BIRC5: variants seen among roughly 807,000 people sequenced by gnomAD.
BIRC5 encodes baculoviral IAP repeat containing 5.
A neutral mutation model predicts 15.8 loss-of-function variants in BIRC5; 8 were observed. That is an observed-to-expected ratio of 0.51 (90% confidence interval 0.30 to 0.91). The LOEUF (loss-of-function observed/expected upper bound fraction) is 0.91. BIRC5 is among the 40% of genes least tolerant of loss of function. BIRC5 has a pLI of 0.07. For synonymous variants in BIRC5, 56 were observed against 64.5 expected (o/e 0.87, Z 0.63); for missense variants, 163 against 178.6 (o/e 0.91, Z 0.50).
At chr17:78,215,074 C>T (rs2515815) in intron 2 of BIRC5, 121,117 of 317,632 alleles carry the variant, frequency 0.38, 24,117 homozygotes, top group East Asian at 0.51. Flanking sequence ...CTCCCAGGAA[C>T]GTCCAAGTGC....
Position 78,224,086 on chromosome 17 carries a change from C to G in BIRC5, c.*532C>G, listed in dbSNP as rs2076534312. 6.8e-6 allele frequency: 1 copy of G among 147,420 alleles called. No individual in the cohort carries two copies. Among genetic ancestry groups the G allele is most frequent in the South Asian group, 2.1e-4 (1 of 4,678 alleles). The allele number at this position is 147,420 out of a possible 1,614,324, so 9.1% of individuals were successfully genotyped here. A position where few individuals can be genotyped will look rare whatever the true frequency, so the allele number is the denominator to read the frequency against. On this transcript the variant is annotated 3_prime_UTR_variant, in exon 4 of 4. Transcript: ENST00000350051. ...TTTGTTTTTTTTTTTTTGGTAGATG[C>G]ATGACTTGTGTGTGATGAGAGAATG...
chr17:78,222,686 T>C, intron 3 of BIRC5: 1 of 1,231,664 alleles, frequency 8.1e-7, no homozygotes, highest in Non-Finnish European at 1.1e-6. Context: ...TAATTTTTTT[T>C]AAGTTAACCT....
chr17:78,220,720 CTTT>C (rs17881004), intron 3 of BIRC5, among the ~76,000 whole-genome samples: 1 of 151,928 alleles, frequency 6.6e-6, no homozygotes, highest in Non-Finnish European at 1.5e-5. Flanking sequence ...ACAATATAAT[CTTT>C]TTTTTGTTGT....
intron 3 of BIRC5, among the ~76,000 whole-genome samples, chr17:78,217,132 C>T (rs1222249597): frequency 6.6e-6 from 1 of 151,078 alleles, no homozygotes; most frequent in Non-Finnish European, 1.5e-5. Context: ...CCCACCTTGG[C>T]CTCCCAAAGT....
intron 2 of BIRC5, among the ~76,000 whole-genome samples, chr17:78,215,327 G>A (rs2076470132): frequency 6.6e-6 from 1 of 152,004 alleles, no homozygotes; most frequent in South Asian, 2.1e-4. Flanking sequence ...TAAGGCAGGA[G>A]AATCGCTTGA....
At position 78,214,405 on chromosome 17, in the gene BIRC5, G is replaced by T; in HGVS notation, c.89G>T (p.Gly30Val). 1 of 1,589,770 alleles carries T rather than the reference G, an allele frequency of 6.3e-7. No individual in the cohort carries two copies. The highest frequency in any genetic ancestry group is 8.6e-7 in the Non-Finnish European group (1 of 1,167,476). ...TTCAAGAACTGGCCCTTCTTGGAGG[G>T]CTGCGCCTGCACCCCGGAGCGGGTG... ...STFKNWPFLE[G>V]CACTPERMAE... The change falls in exon 1 of 4, where the codon GGC becomes GTC. Residue 30 changes from glycine (G) to valine (V), a missense_variant. Transcript: ENST00000350051.
At chr17:78,217,785 C>T (rs927759192) in intron 3 of BIRC5, among the ~76,000 whole-genome samples, 3 of 151,912 alleles carry the variant, frequency 2.0e-5, no homozygotes, top group Non-Finnish European at 4.4e-5. Context: ...GTGTGAGCCA[C>T]CACACCCGGC....
chr17:78,221,242 G>T (rs926937655), intron 3 of BIRC5, among the ~76,000 whole-genome samples: 7 of 152,094 alleles, frequency 4.6e-5, no homozygotes, highest in African/African-American at 1.7e-4. Context: ...TGTAGACCTG[G>T]GTGGCAGGAG....
At position 78,223,673 on chromosome 17, in the gene BIRC5, T is replaced by A. The variant is rs938705528; in HGVS notation, c.*119T>A. Reference sequence around the variant, plus strand: ...AATGTCTTAGGAAAGGAGATCAACATTTTCAAATTAGATGTTTCAACTGTG... The same window carrying A: ...AATGTCTTAGGAAAGGAGATCAACAATTTCAAATTAGATGTTTCAACTGTG... On this transcript the variant is annotated 3_prime_UTR_variant, in exon 4 of 4. Transcript: ENST00000350051. 3 of 1,524,422 alleles carry A rather than the reference T, an allele frequency of 2.0e-6. No individual in the cohort carries two copies. The highest frequency in any genetic ancestry group is 2.6e-6 in the Non-Finnish European group (3 of 1,133,306). 94.4% of individuals were successfully genotyped at this position (1,524,422 alleles called of 1,614,324 possible).
intron 2 of BIRC5, 137 bp from the exon 3 acceptor site, chr17:78,216,527 C>T (rs1033037667): frequency 5.4e-5 from 38 of 700,152 alleles, no homozygotes; most frequent in Non-Finnish European, 8.5e-5. Context: ...CTGATGCCAT[C>T]AACTTCAGAC....
intron 3 of BIRC5, among the ~76,000 whole-genome samples, chr17:78,219,591 TGTGGGAGCTGCAGC>T: frequency 6.6e-6 from 1 of 152,326 alleles, no homozygotes; most frequent in East Asian, 1.9e-4. Context: ...TGGTTGAGGT[TGTGGGAGCTGCAGC>T]GTGGGAACTG....
chr17:78,221,814 A>G (rs936153153), intron 3 of BIRC5, among the ~76,000 whole-genome samples: 6 of 152,192 alleles, frequency 3.9e-5, no homozygotes, highest in African/African-American at 1.4e-4. Context: ...CCATGTGTGT[A>G]TATATATTTT....
chr17:78,216,016 G>A, intron 2 of BIRC5: 6 of 1,024,414 alleles, frequency 5.9e-6, no homozygotes, highest in East Asian at 7.9e-5. Flanking sequence ...TTGGGAGGCC[G>A]AGGCGGGCGG....
Position 78,224,051 on chromosome 17 carries a change from G to GTGTTTTTTTTTTTTTTT in BIRC5, c.*498_*499insGTTTTTTTTTTTTTTTT, listed in dbSNP as rs1567867388. ...CTCCTCAGAGGACAGTTTTTTTGTTGTTGTGTTTTTTTGTTTTTTTTTTTT... is the reference window on the plus strand; with the variant it reads ...CTCCTCAGAGGACAGTTTTTTTGTTGTGTTTTTTTTTTTTTTTTTGTGTTTTTTTGTTTTTTTTTTTT... On this transcript the variant is annotated 3_prime_UTR_variant, in exon 4 of 4. Transcript: ENST00000350051. 3.5e-5 allele frequency: 4 copies of GTGTTTTTTTTTTTTTTT among 114,834 alleles called. 1 individual carries two copies. Among genetic ancestry groups the GTGTTTTTTTTTTTTTTT allele is most frequent in the African/African-American group, 3.6e-5 (1 of 28,138 alleles). 7.1% of individuals were successfully genotyped at this position (114,834 alleles called of 1,614,324 possible). A position where few individuals can be genotyped will look rare whatever the true frequency, so the allele number is the denominator to read the frequency against.
At chr17:78,222,019 C>G (rs2076518800) in intron 3 of BIRC5, among the ~76,000 whole-genome samples, 1 of 151,594 alleles carries the variant, frequency 6.6e-6, no homozygotes, top group Non-Finnish European at 1.5e-5. Flanking sequence ...GCAATGTGGC[C>G]AGACCTCATC....
chr17:78,219,146 C>CT (rs1360685694), intron 3 of BIRC5, among the ~76,000 whole-genome samples: 6 of 152,048 alleles, frequency 3.9e-5, no homozygotes, highest in Non-Finnish European at 1.5e-5. Context: ...AATTGTATTC[C>CT]TTTGTAGAGA....
At chr17:78,220,720 CT>C (rs17881004) in intron 3 of BIRC5, among the ~76,000 whole-genome samples, 5 of 151,928 alleles carry the variant, frequency 3.3e-5, no homozygotes, top group East Asian at 1.9e-4. Flanking sequence ...ACAATATAAT[CT>C]TTTTTTTGTT....
intron 3 of BIRC5, among the ~76,000 whole-genome samples, chr17:78,220,421 C>A (rs2076507368): frequency 8.9e-6 from 1 of 112,660 alleles, no homozygotes; most frequent in Non-Finnish European, 1.9e-5. Flanking sequence ...GAGCGAGACT[C>A]CGTCTCAAAA....
At position 78,214,763 on chromosome 17, in the gene BIRC5, A is replaced by C; in HGVS notation, c.195A>C (p.Glu65Asp). The stretch of plus-strand genomic sequence containing the variant: ...GTTTCTTCTGCTTCAAGGAGCTGGA[A>C]GGCTGGGAGCCAGATGACGACCCCA... ...AQCFFCFKEL[E>D]GWEPDDDPIE... The change falls in exon 2 of 4, where the codon GAA (glutamate) becomes GAC (aspartate). Residue 65 changes from glutamate (E) to aspartate (D), a missense_variant. By Grantham distance (45) the Glu-to-Asp change is conservative. Coordinates refer to ENST00000350051, the MANE Select transcript of BIRC5 (RefSeq NM_001168.3). 6.2e-7 allele frequency: 1 copy of C among 1,613,282 alleles called. No individual in the cohort carries two copies. Among genetic ancestry groups the C allele is most frequent in the South Asian group, 1.1e-5 (1 of 90,842 alleles).
Sources: gnomAD v4.1 joint callset for allele counts (sites outside exome capture counted in the v4.1 genomes callset) on GRCh38, gnomAD v4.1.1 for gene constraint, MANE v1.5 for transcripts, NCBI Gene and HGNC (gene_info 2026-07-23, HGNC 2026-07-21) for gene names.